EAPP: variants seen among roughly 807,000 people sequenced by gnomAD.
EAPP encodes the protein E2F associated phosphoprotein, also known as E2F-associated phosphoprotein.
A neutral mutation model predicts 34.3 loss-of-function variants in EAPP; 38 were observed. That is an observed-to-expected ratio of 1.11 (90% CI 0.85 to 1.45). The LOEUF is 1.45. Among genes scored for constraint, EAPP ranks in the 40% most tolerant of loss-of-function variants. The pLI, the probability that EAPP is intolerant of heterozygous loss-of-function variation, is 0.00. For missense variants in EAPP, 338 were observed against 343.7 expected (o/e 0.98, Z 0.13); for synonymous variants, 113 against 117.6 (o/e 0.96, Z 0.25).
chr14:34,516,461 C>T lies in EAPP; in HGVS notation c.707G>A (p.Arg236Lys), dbSNP rs762172753. ...CTCGGCAGCATCTTCCCGGTTAGACCTCATCTTCTTATGGACCCGCCTTTT... is the reference window on the plus strand; with the variant it reads ...CTCGGCAGCATCTTCCCGGTTAGACTTCATCTTCTTATGGACCCGCCTTTT... Reference protein sequence around the residue: ...RKKRRVHKKMRSNREDAAEKA... With the variant: ...RKKRRVHKKMKSNREDAAEKA... Residue 236 changes from arginine to lysine, a missense_variant, in exon 6 of 6, where the codon AGG (arginine) becomes AAG (lysine). Physicochemically the swap from Arg to Lys is conservative, Grantham distance 26. Transcript: ENST00000250454. The T allele has an allele frequency of 2.5e-6, 4 of 1,614,162 alleles. No individual in the cohort carries two copies. The highest frequency in any genetic ancestry group is 4.5e-5 in the East Asian group (2 of 44,888).
At chr14:34,531,381 T>C (rs1442057476) in intron 3 of EAPP, among the ~76,000 whole-genome samples, 2 of 151,962 alleles carry the variant, frequency 1.3e-5, no homozygotes, top group East Asian at 1.9e-4. Context: ...GGCGGGCGGA[T>C]CACGAGGTCA....
At position 34,521,020 on chromosome 14, in the gene EAPP, C is replaced by G. The variant is rs1421814549; in HGVS notation, c.581+3677G>C. 2.0e-5 allele frequency among the ~76,000 whole-genome samples: 3 copies of G among 152,168 alleles called. No individual in the cohort carries two copies. The South Asian group carries it at 6.2e-4, about 32-fold the overall frequency. On this transcript the variant is annotated intron_variant, in intron 5 of 5. Transcript: ENST00000250454. ...TTGAGTCAAATGTGTTTGGTGTTCT[C>G]TGGCCATAAATATCTCCTTCTCAAG...
chr14:34,522,705 C>T (rs1255229240), intron 5 of EAPP, among the ~76,000 whole-genome samples: 1 of 152,196 alleles, frequency 6.6e-6, no homozygotes, highest in Non-Finnish European at 1.5e-5. Context: ...ACTGAGCGTG[C>T]TGCCTGTTCC....
intron 4 of EAPP, 75 bp from the exon 5 acceptor site, chr14:34,524,882 A>T: frequency 8.5e-7 from 1 of 1,171,512 alleles, no homozygotes; most frequent in Admixed American, 1.7e-5. Flanking sequence ...TTTTCCAATA[A>T]AAAGAACCAG....
At chr14:34,516,940 CTT>C (rs11432394) in intron 5 of EAPP, among the ~76,000 whole-genome samples, 4 of 139,826 alleles carry the variant, frequency 2.9e-5, no homozygotes, top group Non-Finnish European at 1.5e-5. Context: ...TTGAAAGTAA[CTT>C]TTTTTTTTTT....
chr14:34,538,500 C>G (rs1307597258), intron 1 of EAPP, among the ~76,000 whole-genome samples: 2 of 152,134 alleles, frequency 1.3e-5, no homozygotes, highest in Non-Finnish European at 2.9e-5. Context: ...TCCTCACTCC[C>G]AACAAAAGAA....
intron 1 of EAPP, among the ~76,000 whole-genome samples, chr14:34,539,031 C>T (rs906658400): frequency 5.3e-5 from 8 of 152,222 alleles, no homozygotes; most frequent in Admixed American, 3.3e-4. Context: ...CTCTGTAGCT[C>T]AGAGCGAGCA....
At chr14:34,522,546 CT>C (rs542922359) in intron 5 of EAPP, among the ~76,000 whole-genome samples, 1 of 151,952 alleles carries the variant, frequency 6.6e-6, no homozygotes, top group South Asian at 2.1e-4. Flanking sequence ...CTCTGCTTTG[CT>C]TTTTTTTGGT....
Position 34,536,284 on chromosome 14 carries a change from C to T in EAPP, c.75-9G>A. ...CCACTTCATCCTCAGAGCTAGCATACATTTAAATCAAAAAGAATATGAATA... is the reference window on the plus strand; with the variant it reads ...CCACTTCATCCTCAGAGCTAGCATATATTTAAATCAAAAAGAATATGAATA... On this transcript the variant is annotated splice_polypyrimidine_tract_variant and intron_variant, in intron 1 of 5. Transcript: ENST00000250454. The T allele has an allele frequency of 6.4e-7, 1 of 1,568,134 alleles. No homozygotes were observed. The highest frequency in any genetic ancestry group is 8.6e-7 in the Non-Finnish European group (1 of 1,162,858).
chr14:34,517,165 T>C lies in EAPP; in HGVS notation c.582-579A>G, dbSNP rs140468965. ...GTGTTAGCCAGGATGGTCTCGATCT[T>C]CTGACCTTGTGATCTGCCCGCCTCG... On this transcript the variant is annotated intron_variant, in intron 5 of 5. Transcript: ENST00000250454. 1.7e-4 allele frequency among the ~76,000 whole-genome samples: 26 copies of C among 151,938 alleles called. No individual in the cohort carries two copies. In the East Asian group the frequency reaches 2.1e-3, roughly 12 times the overall value.
At chr14:34,524,249 G>C (rs974152029) in intron 5 of EAPP, among the ~76,000 whole-genome samples, 8 of 152,274 alleles carry the variant, frequency 5.3e-5, no homozygotes, top group Non-Finnish European at 1.0e-4. Context: ...AATTAGCCGG[G>C]TGTGGTGGCA....
chr14:34,519,890 T>C (rs987374162), intron 5 of EAPP, among the ~76,000 whole-genome samples: 12 of 150,290 alleles, frequency 8.0e-5, no homozygotes, highest in African/African-American at 1.5e-4. Context: ...CTTTTCTTTT[T>C]TTTTTTTTTT....
At chr14:34,522,396 G>C (rs970252671) in intron 5 of EAPP, among the ~76,000 whole-genome samples, 2 of 152,052 alleles carry the variant, frequency 1.3e-5, no homozygotes, top group South Asian at 2.1e-4. Context: ...TCACAGTATT[G>C]TGATATGTGA....
chr14:34,536,452 T>G, intron 1 of EAPP, 177 bp from the exon 2 acceptor site: 1 of 403,238 alleles, frequency 2.5e-6, no homozygotes, highest in East Asian at 4.3e-5. Flanking sequence ...TTTCCAATCT[T>G]CTTTAATTTT....
chr14:34,517,008 G>A (rs1879756257), intron 5 of EAPP, among the ~76,000 whole-genome samples: 1 of 150,414 alleles, frequency 6.6e-6, no homozygotes, highest in Non-Finnish European at 1.5e-5. Flanking sequence ...CGCGATCTCG[G>A]CTCACTGCAA....
chr14:34,523,368 G>C (rs1410024769), intron 5 of EAPP, among the ~76,000 whole-genome samples: 2 of 151,270 alleles, frequency 1.3e-5, no homozygotes, highest in African/African-American at 4.9e-5. Context: ...CTCCGGAGTA[G>C]CTGGGACTAC....
intron 1 of EAPP, 137 bp downstream of exon 1, chr14:34,539,418 G>A (rs748092028): frequency 4.2e-6 from 4 of 950,606 alleles, no homozygotes; most frequent in Non-Finnish European, 6.6e-6. Context: ...AAGCCCTTTG[G>A]CTTCGCACAA....
rs762657631 is a variant in EAPP, at chr14:34,529,356, AC to A, written c.470+1del. 6.6e-7 allele frequency: 1 copy of A among 1,510,862 alleles called. No individual in the cohort carries two copies. Among genetic ancestry groups the A allele is most frequent in the South Asian group, 1.2e-5 (1 of 86,010 alleles). 93.6% of individuals were successfully genotyped at this position (1,510,862 alleles called of 1,614,324 possible). A position where few individuals can be genotyped will look rare whatever the true frequency, so the allele number is the denominator to read the frequency against. ...TTCTAAATATTAACTTTAAGTTCTT[AC>A]CCCCTTCTCTGTGCATCAACCCAGG... On this transcript the variant is annotated splice_donor_variant, in intron 4 of 5. Coordinates refer to ENST00000250454, the MANE Select transcript of EAPP (RefSeq NM_018453.4). LOFTEE classifies it high-confidence loss of function.
rs1163370880 is a variant in EAPP at position 34,536,411 on chromosome 14, CT to C, written c.75-137del. The C allele has an allele frequency of 7.2e-6, 4 of 552,862 alleles. No individual in the cohort carries two copies. The African/African-American group carries it at 8.0e-5, about 11-fold the overall frequency. 34.2% of individuals were successfully genotyped at this position (552,862 alleles called of 1,614,324 possible). A position where few individuals can be genotyped will look rare whatever the true frequency, so the allele number is the denominator to read the frequency against. On this transcript the variant is annotated intron_variant, in intron 1 of 5. Coordinates refer to ENST00000250454, the MANE Select transcript of EAPP (RefSeq NM_018453.4). Reference sequence around the variant, plus strand: ...TGATGTACTTATACATTACATATAGCTATTCTCACTTAATAAGCCAGTTCTG... The same window carrying C: ...TGATGTACTTATACATTACATATAGCATTCTCACTTAATAAGCCAGTTCTG...
Sources: allele counts gnomAD v4.1 joint callset (sites outside exome capture counted in the v4.1 genomes callset), GRCh38; gene constraint gnomAD v4.1.1; transcripts MANE v1.5; gene names NCBI Gene and HGNC (gene_info 2026-07-23, HGNC 2026-07-21).